The following PIK3AP1 variants were observed in gnomAD, a reference collection of about 807,000 sequenced individuals.
PIK3AP1 encodes the protein phosphoinositide 3-kinase adapter protein 1.
In PIK3AP1, 21 loss-of-function variants were observed where a neutral mutation model predicts 88.1. That is an observed-to-expected ratio of 0.24 (90% confidence interval 0.17 to 0.34). The LOEUF is 0.34. Ranked by LOEUF, PIK3AP1 falls within the 10% of genes least tolerant of loss-of-function variation. The pLI, the probability that PIK3AP1 is intolerant of heterozygous loss-of-function variation, is 1.00. For synonymous variants in PIK3AP1, 398 were observed against 400.0 expected (o/e 1.00, Z 0.06); for missense variants, 828 against 1,035.7 (o/e 0.80, Z 2.75).
chr10:96,619,626 T>C (rs1425656140), intron 12 of PIK3AP1: 1 of 152,240 alleles, frequency 6.6e-6, no homozygotes, highest in Non-Finnish European at 1.5e-5. Flanking sequence ...AAGGTTAAGT[T>C]TGAGTTCTTT....
rs777298829 is a variant in PIK3AP1, at chr10:96,709,712, C to A, written c.285G>T (p.Pro95=). 31 of 1,614,102 alleles carry A rather than the reference C, an allele frequency of 1.9e-5. No homozygotes were observed. The African/African-American group carries it at 3.9e-4, about 20-fold the overall frequency. ...CGCAGAGCAGCCTGACCACGCGGTG[C>A]GGAGGATGGAAAGCTCTCTGCAGCA... The part of the protein sequence containing the change: ...LPLLQRAFHP[P]HRVVRLLCGV... The change falls in exon 2 of 17, where the codon CCG becomes CCT. Residue 95 remains proline (P), a synonymous_variant. Coordinates refer to ENST00000339364, the MANE Select transcript of PIK3AP1 (RefSeq NM_152309.3).
intron 8 of PIK3AP1, among the ~76,000 whole-genome samples, chr10:96,635,018 T>C (rs934164533): frequency 2.0e-5 from 3 of 152,234 alleles, no homozygotes; most frequent in Admixed American, 6.5e-5. Flanking sequence ...CTCTCTGGTC[T>C]GTTTTCTGAC....
At chr10:96,600,493 C>T (rs890763728) in intron 16 of PIK3AP1, among the ~76,000 whole-genome samples, 17 of 152,164 alleles carry the variant, frequency 1.1e-4, no homozygotes, top group Admixed American at 7.9e-4. Context: ...TATTCTAATC[C>T]GTGCCTTCCA....
rs537986257 is a variant in PIK3AP1 at position 96,627,325 on chromosome 10, T to C, written c.1472-420A>G. On this transcript the variant is annotated intron_variant, in intron 9 of 16. Coordinates refer to ENST00000339364, the MANE Select transcript of PIK3AP1 (RefSeq NM_152309.3). ...AAACAGACTGCCCAAGACTCCCCTC[T>C]CAGGGAAACTTTTCATTCTAGAGTT... 2.8e-4 allele frequency among the ~76,000 whole-genome samples: 43 copies of C among 152,312 alleles called. 1 individual carries two copies. In the South Asian group the frequency reaches 8.7e-3, roughly 31 times the overall value.
Position 96,656,823 on chromosome 10 carries a change from A to C in PIK3AP1, c.542T>G (p.Val181Gly). 1 of 1,614,080 alleles carries C rather than the reference A, an allele frequency of 6.2e-7. No individual in the cohort carries two copies. The change falls in exon 3 of 17, where the codon GTG (valine) becomes GGG (glycine). Residue 181 changes from valine to glycine, a missense_variant. Physicochemically the swap from Val to Gly is moderately radical, Grantham distance 109 (BLOSUM62 -3). This residue lies in a region of PIK3AP1 where 610 missense variants were observed against 760.1 expected (regional missense o/e 0.80). Coordinates refer to ENST00000339364, the MANE Select transcript of PIK3AP1 (RefSeq NM_152309.3). ...CCCACAGCGAATGCGGTCCGGCTGC[A>C]CCACCATCAGGTTCCCAGGTGAAGT... ...TVTSPGNLMV[V>G]QPDRIRCGAE... is the part of the protein sequence containing the mutation.
chr10:96,688,276 A>T (rs1844102189), intron 2 of PIK3AP1, among the ~76,000 whole-genome samples: 1 of 151,978 alleles, frequency 6.6e-6, no homozygotes, highest in African/African-American at 2.4e-5. Flanking sequence ...TAAAGTTCAT[A>T]AATAGTGATA....
intron 10 of PIK3AP1, among the ~76,000 whole-genome samples, chr10:96,624,661 C>CAA (rs5787202): frequency 7.2e-6 from 1 of 139,414 alleles, no homozygotes; most frequent in African/African-American, 2.6e-5. Flanking sequence ...GACCCTGTCT[C>CAA]AAAAAAAAAA....
chr10:96,601,281 C>T (rs1370212505), intron 16 of PIK3AP1, among the ~76,000 whole-genome samples: 2 of 151,700 alleles, frequency 1.3e-5, no homozygotes, highest in Non-Finnish European at 2.9e-5. Context: ...CGAGGCCAGC[C>T]TAGTCAAAAT....
chr10:96,635,408 G>C (rs1843299202), intron 8 of PIK3AP1, among the ~76,000 whole-genome samples: 1 of 152,134 alleles, frequency 6.6e-6, no homozygotes. Flanking sequence ...ACCCAAAAAT[G>C]ATTTTTCCAT....
chr10:96,711,800 G>T (rs1043876807), intron 1 of PIK3AP1, among the ~76,000 whole-genome samples: 1 of 133,272 alleles, frequency 7.5e-6, no homozygotes, highest in African/African-American at 2.9e-5. Context: ...GCCCAGGCTG[G>T]AGCGCAGTGG....
intron 11 of PIK3AP1, 115 bp from the exon 12 acceptor site, chr10:96,620,672 A>G (rs561191066): frequency 1.8e-5 from 15 of 842,484 alleles, no homozygotes; most frequent in Non-Finnish European, 2.6e-5. Context: ...CAAAAGAACA[A>G]TTACATGTGG....
chr10:96,641,086 CGTGTGTGTGTGT>C (rs56816682), intron 8 of PIK3AP1, among the ~76,000 whole-genome samples: 60 of 143,338 alleles, frequency 4.2e-4, no homozygotes, highest in East Asian at 1.0e-3. Context: ...GTGAGTGTGC[CGTGTGTGTGTGT>C]GTGTGTGTGT....
At chr10:96,715,200 A>G (rs928118350) in intron 1 of PIK3AP1, among the ~76,000 whole-genome samples, 1 of 152,166 alleles carries the variant, frequency 6.6e-6, no homozygotes, top group Non-Finnish European at 1.5e-5. Context: ...AATTATGGGA[A>G]AAAATATCAT....
chr10:96,660,853 G>A (rs1843676285), intron 2 of PIK3AP1, among the ~76,000 whole-genome samples: 1 of 152,134 alleles, frequency 6.6e-6, no homozygotes, highest in Non-Finnish European at 1.5e-5. Flanking sequence ...GCCCTGAAAT[G>A]CCATGGAGAA....
intron 2 of PIK3AP1, among the ~76,000 whole-genome samples, chr10:96,697,654 G>A (rs1022646454): frequency 8.6e-5 from 13 of 151,926 alleles, no homozygotes; most frequent in Non-Finnish European, 1.6e-4. Flanking sequence ...GCTTGAGCCT[G>A]GAAGGTTGAG....
At chr10:96,601,079 T>TAA (rs35753684) in intron 16 of PIK3AP1, among the ~76,000 whole-genome samples, 19 of 150,952 alleles carry the variant, frequency 1.3e-4, no homozygotes, top group East Asian at 5.8e-4. Context: ...CTCTCCTGTA[T>TAA]AAAAAAAAAG....
intron 8 of PIK3AP1, among the ~76,000 whole-genome samples, chr10:96,642,162 C>T (rs140087460): frequency 8.1e-4 from 123 of 152,192 alleles, no homozygotes; most frequent in Middle Eastern, 3.4e-3. Flanking sequence ...TGGTGCCTCA[C>T]GCCTGTAATC....
chr10:96,648,514 C>T (rs1324342084), intron 7 of PIK3AP1, 145 bp downstream of exon 7: 1 of 869,794 alleles, frequency 1.1e-6, no homozygotes, highest in African/African-American at 1.8e-5. Flanking sequence ...GACCTCATTT[C>T]TTAAGCCCAC....
At chr10:96,717,494 C>A (rs1207178947) in intron 1 of PIK3AP1, among the ~76,000 whole-genome samples, 1 of 152,064 alleles carries the variant, frequency 6.6e-6, no homozygotes, top group Admixed American at 6.6e-5. Flanking sequence ...CTTCCCACCC[C>A]AGAAGTTGTT....
Sources: gnomAD v4.1 joint callset for allele counts (sites outside exome capture counted in the v4.1 genomes callset) on GRCh38, gnomAD v4.1.1 for gene constraint, gnomAD v4.1.1 regional missense constraint, MANE v1.5 for transcripts, NCBI Gene and HGNC (gene_info 2026-07-23, HGNC 2026-07-21) for gene names.